The following KIAA1217 variants were observed in gnomAD, a reference collection of about 807,000 sequenced individuals.
The protein encoded by KIAA1217 is sickle tail protein homolog.
A neutral mutation model predicts 163.9 loss-of-function variants in KIAA1217; 88 were observed. The ratio of observed to expected loss-of-function variants is 0.54; its 90% CI spans 0.45 to 0.64. The LOEUF is 0.64. Ranked by LOEUF, KIAA1217 falls within the 30% of genes least tolerant of loss-of-function variation. The probability of loss-of-function intolerance (pLI) is 0.00; values close to 1 mark genes in which losing one functional copy is unlikely to be tolerated. For missense variants in KIAA1217, 2,372 were observed against 2,475.0 expected (o/e 0.96, Z 0.88); for synonymous variants, 903 against 923.1 (o/e 0.98, Z 0.39).
At chr10:24,024,665 C>T (rs1252237734) in intron 2 of KIAA1217, among the ~76,000 whole-genome samples, 1 of 151,568 alleles carries the variant, frequency 6.6e-6, no homozygotes, top group East Asian at 1.9e-4. Context: ...GTGGTTGTAT[C>T]GTTTTGCATT....
intron 2 of KIAA1217, among the ~76,000 whole-genome samples, chr10:24,323,410 T>G (rs2044432769): frequency 6.6e-6 from 1 of 152,204 alleles, no homozygotes; most frequent in Admixed American, 6.5e-5. Context: ...CAAACCACAG[T>G]TCATTTGAGT....
intron 2 of KIAA1217, among the ~76,000 whole-genome samples, chr10:24,193,646 C>T (rs539146378): frequency 7.2e-5 from 11 of 152,308 alleles, no homozygotes; most frequent in African/African-American, 1.4e-4. Flanking sequence ...AGGAAATAAA[C>T]GAGCTGCGCC....
intron 1 of KIAA1217, among the ~76,000 whole-genome samples, chr10:23,725,081 T>C (rs1178465257): frequency 2.0e-5 from 3 of 152,206 alleles, no homozygotes; most frequent in African/African-American, 7.2e-5. Context: ...GCCTATGTCA[T>C]GGGTTCTCTT....
intron 2 of KIAA1217, among the ~76,000 whole-genome samples, chr10:24,231,680 GA>G (rs1023327398): frequency 6.6e-6 from 1 of 150,810 alleles, no homozygotes; most frequent in East Asian, 1.9e-4. Flanking sequence ...AAGTAAAAAA[GA>G]AAAAAAATGA....
intron 1 of KIAA1217, among the ~76,000 whole-genome samples, chr10:24,003,659 G>A (rs945489799): frequency 6.6e-6 from 1 of 152,128 alleles, no homozygotes; most frequent in Non-Finnish European, 1.5e-5. Flanking sequence ...AAAAAGGGGT[G>A]GGTTTCACAA....
At chr10:24,506,784 G>T (rs932544891) in intron 9 of KIAA1217, among the ~76,000 whole-genome samples, 2 of 152,226 alleles carry the variant, frequency 1.3e-5, no homozygotes, top group African/African-American at 4.8e-5. Context: ...GGCACTGACA[G>T]TGAGTTGAGG....
intron 2 of KIAA1217, among the ~76,000 whole-genome samples, chr10:24,369,231 A>G (rs565940027): frequency 8.0e-6 from 1 of 125,124 alleles, no homozygotes; most frequent in South Asian, 2.6e-4. Context: ...TCATTTGAAA[A>G]TCATTCCAGT....
At chr10:24,067,535 A>T (rs1159959288) in intron 2 of KIAA1217, among the ~76,000 whole-genome samples, 2 of 152,090 alleles carry the variant, frequency 1.3e-5, no homozygotes, top group Admixed American at 6.6e-5. Context: ...CGGCCATGGG[A>T]GGTGTCAGTC....
rs867638168 is a variant in KIAA1217 at position 23,986,025 on chromosome 10, T to C, written c.-320-21200T>C. Among the ~76,000 whole-genome samples, 43 of 152,366 alleles carry C rather than the reference T, an allele frequency of 2.8e-4. No homozygotes were observed. The Middle Eastern group carries it at 0.014, about 48-fold the overall frequency. On this transcript the variant is annotated intron_variant, in intron 1 of 18. Transcript: ENST00000376462. ...ACAATTTATAATGCATTTCAGAATG[T>C]ATCTTCGTTCTAATATAATTGTTTA... is the stretch of plus-strand genomic sequence containing the variant.
At chr10:24,061,174 T>G (rs2060709131) in intron 2 of KIAA1217, among the ~76,000 whole-genome samples, 2 of 152,200 alleles carry the variant, frequency 1.3e-5, no homozygotes, top group African/African-American at 4.8e-5. Context: ...CTGTAGGTAT[T>G]TTCTTTGTGG....
chr10:24,280,083 A>G (rs2077737808), intron 2 of KIAA1217, among the ~76,000 whole-genome samples: 1 of 152,166 alleles, frequency 6.6e-6, no homozygotes, highest in Admixed American at 6.5e-5. Context: ...GTAGAGGTTG[A>G]TGTTCTTCCT....
rs534043179 is a variant in KIAA1217, at chr10:24,035,880, A to G, written c.-171+28506A>G. On this transcript the variant is annotated intron_variant, in intron 2 of 18. Transcript: ENST00000376462. ...GAGAGGTGTGAGGCAGCTCAAAGCT[A>G]GGCATTGCTGAACCAGGAGAGCACA... Among the ~76,000 whole-genome samples the G allele has an allele frequency of 3.9e-5, 6 of 152,326 alleles. No homozygotes were observed. The South Asian group carries it at 6.2e-4, about 16-fold the overall frequency.
intron 2 of KIAA1217, among the ~76,000 whole-genome samples, chr10:24,349,314 A>T (rs2048181279): frequency 6.6e-6 from 1 of 152,206 alleles, no homozygotes; most frequent in Non-Finnish European, 1.5e-5. Flanking sequence ...TGTAATATAG[A>T]AACAATCCCT....
chr10:23,758,098 C>G (rs1461899047), intron 1 of KIAA1217, among the ~76,000 whole-genome samples: 1 of 151,980 alleles, frequency 6.6e-6, no homozygotes, highest in African/African-American at 2.4e-5. Context: ...TGGCCTGTCC[C>G]TTTGGTGTTA....
At chr10:24,276,175 C>T (rs891061229) in intron 2 of KIAA1217, among the ~76,000 whole-genome samples, 3 of 152,134 alleles carry the variant, frequency 2.0e-5, no homozygotes, top group South Asian at 2.1e-4. Context: ...TATCATTTTA[C>T]GTGTTATTAT....
intron 2 of KIAA1217, among the ~76,000 whole-genome samples, chr10:24,078,995 G>A (rs775656529): frequency 4.6e-5 from 7 of 152,206 alleles, no homozygotes; most frequent in Non-Finnish European, 8.8e-5. Flanking sequence ...TCTCATGGGT[G>A]TGTTGGATCT....
intron 8 of KIAA1217, among the ~76,000 whole-genome samples, chr10:24,497,091 T>A (rs1439743377): frequency 6.6e-6 from 1 of 152,200 alleles, no homozygotes. Context: ...CATAGCAGCC[T>A]TGTATAGTGC....
At chr10:23,844,691 G>A (rs961641296) in intron 1 of KIAA1217, among the ~76,000 whole-genome samples, 3 of 151,486 alleles carry the variant, frequency 2.0e-5, no homozygotes, top group Non-Finnish European at 2.9e-5. Context: ...CTTGGTTCTA[G>A]GTCCTCTTTT....
intron 1 of KIAA1217, among the ~76,000 whole-genome samples, chr10:23,849,017 C>T (rs552157961): frequency 1.3e-5 from 2 of 151,976 alleles, no homozygotes; most frequent in Non-Finnish European, 2.9e-5. Context: ...TTCCCCAGAA[C>T]CTGGCACAGT....
Sources: gnomAD v4.1 joint callset for allele counts (sites outside exome capture counted in the v4.1 genomes callset) on GRCh38, gnomAD v4.1.1 for gene constraint, MANE v1.5 for transcripts, NCBI Gene and HGNC (gene_info 2026-07-23, HGNC 2026-07-21) for gene names.